Variants in AXIN1 observed in about 807,000 individuals in gnomAD.
AXIN1 encodes the protein axin-1.
A neutral mutation model predicts 76.4 loss-of-function variants in AXIN1; 30 were observed. The ratio of observed to expected loss-of-function variants is 0.39; its 90% CI spans 0.29 to 0.53. AXIN1 has a LOEUF of 0.53. AXIN1 is among the 20% of genes least tolerant of loss of function. The pLI is 0.66. For missense variants in AXIN1, 1,140 were observed against 1,198.8 expected, an observed-to-expected ratio of 0.95 and a Z score of 0.72; for synonymous variants, 545 against 501.4, an observed-to-expected ratio of 1.09 and a Z score of -1.16.
intron 1 of AXIN1, among the ~76,000 whole-genome samples, chr16:348,145 C>G (rs968899468): frequency 2.0e-5 from 3 of 152,190 alleles, no homozygotes; most frequent in African/African-American, 7.2e-5. Context: ...AACAGAACCC[C>G]TGCCATGGTC....
At chr16:307,774 G>T (rs1373858528) in intron 4 of AXIN1, among the ~76,000 whole-genome samples, 1 of 152,180 alleles carries the variant, frequency 6.6e-6, no homozygotes, top group Non-Finnish European at 1.5e-5. Context: ...CAAAACCAAG[G>T]CCCTCAACAG....
At chr16:337,411 A>G (rs1199617533) in intron 2 of AXIN1, among the ~76,000 whole-genome samples, 1 of 149,658 alleles carries the variant, frequency 6.7e-6, no homozygotes, top group Admixed American at 6.7e-5. Context: ...AGCACTCCTT[A>G]GGGTTATTTT....
At chr16:299,907 G>A (rs548823489) in intron 5 of AXIN1, among the ~76,000 whole-genome samples, 5 of 151,900 alleles carry the variant, frequency 3.3e-5, no homozygotes, top group Admixed American at 6.6e-5. Flanking sequence ...TGCCCACCTC[G>A]GCCTCCCAAA....
chr16:291,036 C>T (rs992729356), intron 9 of AXIN1, 154 bp downstream of exon 9: 2 of 728,078 alleles, frequency 2.7e-6, no homozygotes, highest in East Asian at 2.7e-5. Flanking sequence ...CGGGCAGCTT[C>T]GAGTCTGATG....
rs531146510 is a variant in AXIN1 at position 300,242 on chromosome 16, G to A, written c.1255-1991C>T. 1.1e-3 allele frequency among the ~76,000 whole-genome samples: 171 copies of A among 152,214 alleles called. 1 individual carries two copies. The highest frequency in any genetic ancestry group is 3.4e-3 in the Middle Eastern group (1 of 294). On this transcript the variant is annotated intron_variant, in intron 5 of 10. Coordinates refer to ENST00000262320, the MANE Select transcript of AXIN1 (RefSeq NM_003502.4). ...CAGGTGTGAGCCACCACACCTAATC[G>A]CAGTGGTGCCATCACAGCTCAAGGC...
chr16:329,660 G>A (rs2053653639), intron 2 of AXIN1, among the ~76,000 whole-genome samples: 1 of 151,756 alleles, frequency 6.6e-6, no homozygotes, highest in Non-Finnish European at 1.5e-5. Flanking sequence ...ATGTCGCCCA[G>A]GCTAGAGTGC....
intron 1 of AXIN1, among the ~76,000 whole-genome samples, chr16:349,002 G>A (rs1358058205): frequency 5.9e-5 from 9 of 152,026 alleles, no homozygotes; most frequent in African/African-American, 1.4e-4. Context: ...GGAGACTGAC[G>A]TGGGAGAATG....
At chr16:291,527 C>A in intron 8 of AXIN1, 1 of 593,658 alleles carries the variant, frequency 1.7e-6, no homozygotes, top group Admixed American at 2.6e-5. Flanking sequence ...CCGGCACCAA[C>A]CCCCTGAGTT....
Position 287,765 on chromosome 16 carries a change from G to A in AXIN1, c.*357C>T, listed in dbSNP as rs148341718. The A allele has an allele frequency of 9.7e-4, 422 of 432,954 alleles. No homozygotes were observed. The highest frequency in any genetic ancestry group is 7.7e-3 in the African/African-American group (390 of 50,894). 26.8% of individuals were successfully genotyped at this position (432,954 alleles called of 1,614,324 possible). A position where few individuals can be genotyped will look rare whatever the true frequency, so the allele number is the denominator to read the frequency against. On this transcript the variant is annotated 3_prime_UTR_variant, in exon 11 of 11. Transcript: ENST00000262320. The stretch of plus-strand genomic sequence containing the variant: ...CTGGGCCCCACCCAGACCTGGGTAC[G>A]TGGGCAAATCCCAGAGGGAAAGTAG...
chr16:310,155 C>T (rs373190155), intron 3 of AXIN1, 86 bp from the exon 4 acceptor site: 6 of 1,280,058 alleles, frequency 4.7e-6, no homozygotes, highest in African/African-American at 1.5e-5. Flanking sequence ...CCCCGACCGC[C>T]GGTCAGCAGG....
Position 288,114 on chromosome 16 carries a change from C to T in AXIN1, c.*8G>A, listed in dbSNP as rs111335652. On this transcript the variant is annotated 3_prime_UTR_variant, in exon 11 of 11. Coordinates refer to ENST00000262320, the MANE Select transcript of AXIN1 (RefSeq NM_003502.4). ...CTCGCCTGGCACAGCGGCCAGCCCA[C>T]CAGCCTATCAGTCCACCTTCTCCAC... is the stretch of plus-strand genomic sequence containing the variant. 2.4e-4 allele frequency: 380 copies of T among 1,613,256 alleles called. 3 individuals carry two copies. In the African/African-American group the frequency reaches 4.4e-3, roughly 19 times the overall value.
At chr16:338,744 G>T (rs997708334) in intron 2 of AXIN1, among the ~76,000 whole-genome samples, 1 of 152,102 alleles carries the variant, frequency 6.6e-6, no homozygotes, top group Admixed American at 6.6e-5. Context: ...CCAACATGGC[G>T]AAACCTTGTC....
Position 297,758 on chromosome 16 carries a change from C to T in AXIN1, c.1748G>A (p.Gly583Asp), listed in dbSNP as rs2141508736. 1 of 1,592,962 alleles carries T rather than the reference C, an allele frequency of 6.3e-7. No individual in the cohort carries two copies. ...GCCATCACTGGCGTTGGGGGCAGCG[C>T]CAACACTCTCTGAGTAGCCTCGGGA... ...ARSRGYSESV[G>D]AAPNASDGLA... The change falls in exon 6 of 11, where the codon GGC (glycine) becomes GAC (aspartate). Residue 583 changes from glycine (G) to aspartate (D), a missense_variant. This residue lies in a region of AXIN1 where 429 missense variants were observed against 405.8 expected (regional missense o/e 1.06). Coordinates refer to ENST00000262320, the MANE Select transcript of AXIN1 (RefSeq NM_003502.4).
chr16:299,129 T>TACGA, intron 5 of AXIN1: 1 of 985,462 alleles, frequency 1.0e-6, no homozygotes, highest in Non-Finnish European at 1.2e-6. Context: ...CATGTTGTGA[T>TACGA]GCTGCCTGAC....
Position 289,559 on chromosome 16 carries a change from G to A in AXIN1, c.2343C>T (p.Asp781=), listed in dbSNP as rs141627187. ...AGAAGTAGTACGCCACAACGATGCT[G>A]TCACACGGCTGGGCACTCCCGCCGC... The part of the protein sequence containing the change: ...KVGGGSAQPC[D]SIVVAYYFCG... The change falls in exon 10 of 11, where the codon GAC becomes GAT. Residue 781 remains aspartate, a synonymous_variant. Transcript: ENST00000262320. 1.9e-6 allele frequency: 3 copies of A among 1,612,868 alleles called. No individual in the cohort carries two copies. The highest frequency in any genetic ancestry group is 2.7e-5 in the African/African-American group (2 of 74,934).
intron 10 of AXIN1, among the ~76,000 whole-genome samples, 186 bp downstream of exon 10, chr16:289,254 C>T (rs891804178): frequency 6.6e-6 from 1 of 152,058 alleles, no homozygotes; most frequent in South Asian, 2.1e-4. Context: ...TTAGTAGAGA[C>T]GGGGTTTCAC....
chr16:350,058 G>A (rs956809522), intron 1 of AXIN1, among the ~76,000 whole-genome samples: 2 of 152,168 alleles, frequency 1.3e-5, no homozygotes, highest in African/African-American at 4.8e-5. Context: ...CCAAAGTGTT[G>A]GGATTACAGG....
At chr16:291,686 G>A (rs934593665) in intron 8 of AXIN1, 1 of 346,526 alleles carries the variant, frequency 2.9e-6, no homozygotes, top group Non-Finnish European at 5.6e-6. Flanking sequence ...ACTGGCTCTG[G>A]GGCGTGCGTG....
chr16:325,730 G>A (rs1332661567), intron 2 of AXIN1, among the ~76,000 whole-genome samples: 1 of 152,206 alleles, frequency 6.6e-6, no homozygotes, highest in Non-Finnish European at 1.5e-5. Flanking sequence ...AAGAAGAGAG[G>A]AGAGCCATTC....
Sources: gnomAD v4.1 joint callset for allele counts (sites outside exome capture counted in the v4.1 genomes callset) on GRCh38, gnomAD v4.1.1 for gene constraint, gnomAD v4.1.1 regional missense constraint, MANE v1.5 for transcripts, NCBI Gene and HGNC (gene_info 2026-07-23, HGNC 2026-07-21) for gene names.